ATXN10: variants seen among roughly 807,000 people sequenced by gnomAD.
ATXN10 encodes ataxin-10.
Under a neutral mutation model 52.9 loss-of-function variants are expected in ATXN10, and 28 were observed. The observed-to-expected ratio is 0.53, with a 90% confidence interval of 0.39 to 0.73. ATXN10 has a LOEUF of 0.73. ATXN10 is among the 30% of genes least tolerant of loss of function. The pLI, the probability that ATXN10 is intolerant of heterozygous loss-of-function variation, is 0.00. For missense variants in ATXN10, 565 were observed against 577.0 expected (o/e 0.98, Z 0.21); for synonymous variants, 226 against 221.5 (o/e 1.02, Z -0.18).
At chr22:45,832,946 A>G (rs544006516) in intron 10 of ATXN10, among the ~76,000 whole-genome samples, 2 of 152,352 alleles carry the variant, frequency 1.3e-5, no homozygotes, top group Non-Finnish European at 2.9e-5. Flanking sequence ...CTAAAGTGTT[A>G]TAGTGAATGT....
rs1365967199 is a variant in ATXN10, at chr22:45,828,805, C to G, written c.1238-14186C>G. Among the ~76,000 whole-genome samples the G allele has an allele frequency of 6.6e-6, 1 of 152,158 alleles. No individual in the cohort carries two copies. The highest frequency in any genetic ancestry group is 2.4e-5 in the African/African-American group (1 of 41,432). ...ACAAAGAAAAGCCCTAAACCTGATG[C>G]CTTCACTGGTGAATTCTAGCAAACA... On this transcript the variant is annotated intron_variant, in intron 10 of 11. Transcript: ENST00000252934. The surrounding 1 kb of genome is among the most constrained non-coding windows in gnomAD (Gnocchi z 4.5).
In ATXN10 at chr22:45,824,266, G is replaced by T. The variant is rs1017391767; in HGVS notation, c.1237+17244G>T. On this transcript the variant is annotated intron_variant, in intron 10 of 11. Transcript: ENST00000252934. The surrounding 1 kb of genome is among the most constrained non-coding windows in gnomAD (Gnocchi z 5.2). ...TGGAGTTCTCCCCTTTCTACATTTG[G>T]CCAACTCCTACTCACCTTTGAGTTT... Among the ~76,000 whole-genome samples the T allele has an allele frequency of 6.6e-6, 1 of 151,890 alleles. No individual in the cohort carries two copies. Among genetic ancestry groups the T allele is most frequent in the Non-Finnish European group, 1.5e-5 (1 of 67,978 alleles).
intron 5 of ATXN10, among the ~76,000 whole-genome samples, chr22:45,707,911 C>G (rs968600253): frequency 1.3e-5 from 2 of 151,998 alleles, no homozygotes; most frequent in Admixed American, 6.6e-5. Context: ...TGGAGAAAAC[C>G]CACTTTCTGC....
intron 9 of ATXN10, among the ~76,000 whole-genome samples, chr22:45,803,746 G>A (rs1403369752): frequency 2.0e-5 from 3 of 152,040 alleles, no homozygotes; most frequent in Non-Finnish European, 4.4e-5. Flanking sequence ...TACAGGATGC[G>A]TACGTACCCC....
At chr22:45,698,866 T>C (rs1923722731) in intron 3 of ATXN10, among the ~76,000 whole-genome samples, 1 of 152,232 alleles carries the variant, frequency 6.6e-6, no homozygotes, top group African/African-American at 2.4e-5. Context: ...AAATAATCTT[T>C]TAAAAAGTAT....
intron 9 of ATXN10, among the ~76,000 whole-genome samples, chr22:45,753,777 A>G (rs939966990): frequency 3.3e-5 from 5 of 152,154 alleles, no homozygotes; most frequent in African/African-American, 1.2e-4. Context: ...CTCTGGATGC[A>G]GTAGCTGCCT....
Position 45,843,147 on chromosome 22 carries a change from TC to T in ATXN10, c.1396del (p.Leu466Ter). 2 of 1,614,040 alleles carry T rather than the reference TC, an allele frequency of 1.2e-6. No homozygotes were observed. The highest frequency in any genetic ancestry group is 1.7e-6 in the Non-Finnish European group (2 of 1,179,934). On this transcript the variant is annotated frameshift_variant, in exon 11 of 12. Coordinates refer to ENST00000252934, the MANE Select transcript of ATXN10 (RefSeq NM_013236.4). LOFTEE classifies it high-confidence loss of function. The surrounding 1 kb of genome is among the most constrained non-coding windows in gnomAD (Gnocchi z 4.5). ...GTTGAAAAGAAAGGCGAAAAGCTGA[TC>T]CTGAAATCTACTAGAGACACCCCTA... ...FEVEKKGEKL[I>X]LKSTRDTPKP
At chr22:45,740,711 CACACACACATATATAT>C (rs1324438605) in intron 9 of ATXN10, 173 bp downstream of exon 9, 1 of 327,396 alleles carries the variant, frequency 3.1e-6, no homozygotes, top group African/African-American at 4.0e-5. Flanking sequence ...CACACACACA[CACACACACATATATAT>C]ACACACACAC....
chr22:45,735,466 A>T (rs1925257290), intron 7 of ATXN10, among the ~76,000 whole-genome samples: 1 of 151,944 alleles, frequency 6.6e-6, no homozygotes, highest in African/African-American at 2.4e-5. Context: ...GTTCCCTCCA[A>T]ACAAATTGGA....
chr22:45,740,189 C>T (rs928000207), intron 8 of ATXN10, among the ~76,000 whole-genome samples, 180 bp from the exon 9 acceptor site: 1 of 152,116 alleles, frequency 6.6e-6, no homozygotes. Flanking sequence ...GGCAGAAGAG[C>T]CTTCTAATCA....
chr22:45,816,367 C>T lies in ATXN10; in HGVS notation c.1237+9345C>T, dbSNP rs910954159. ...CTCCTTGGGAAACAGATACCTCTCC[C>T]GTTTCCTCTCTTTCCTCCTTTTAGA... On this transcript the variant is annotated intron_variant, in intron 10 of 11. Transcript: ENST00000252934. This position sits in a 1 kb window ranked among gnomAD's most constrained non-coding sequence, Gnocchi z 5.8. 1.2e-4 allele frequency among the ~76,000 whole-genome samples: 19 copies of T among 152,212 alleles called. No homozygotes were observed. Among genetic ancestry groups the T allele is most frequent in the Non-Finnish European group, 2.2e-4 (15 of 68,044 alleles).
chr22:45,801,481 A>G (rs547912837), intron 9 of ATXN10, among the ~76,000 whole-genome samples: 10 of 152,338 alleles, frequency 6.6e-5, no homozygotes, highest in African/African-American at 2.4e-4. Context: ...TAAGTGGCAC[A>G]AAACACCATG....
At chr22:45,788,987 C>G (rs546425977) in intron 9 of ATXN10, among the ~76,000 whole-genome samples, 19 of 152,178 alleles carry the variant, frequency 1.2e-4, no homozygotes, top group Non-Finnish European at 1.5e-5. Flanking sequence ...AGGACCGTCA[C>G]CCCCAAGATA....
At chr22:45,801,312 C>G (rs1252991451) in intron 9 of ATXN10, among the ~76,000 whole-genome samples, 1 of 152,226 alleles carries the variant, frequency 6.6e-6, no homozygotes, top group Non-Finnish European at 1.5e-5. Flanking sequence ...GTAGCCTAGG[C>G]TGAGGAGCAC....
At chr22:45,778,402 T>A (rs1433468243) in intron 9 of ATXN10, among the ~76,000 whole-genome samples, 1 of 152,184 alleles carries the variant, frequency 6.6e-6, no homozygotes, top group Non-Finnish European at 1.5e-5. Flanking sequence ...TGAGGATAAT[T>A]GTACATGCCT....
Position 45,728,569 on chromosome 22 carries a change from C to T in ATXN10, c.729-856C>T, listed in dbSNP as rs1399352302. Reference sequence around the variant, plus strand: ...CCATGCCTAATTTGAGTGTATTTACCCTTATTTGCTAATAAGCAGTTTAGA... The same window carrying T: ...CCATGCCTAATTTGAGTGTATTTACTCTTATTTGCTAATAAGCAGTTTAGA... On this transcript the variant is annotated intron_variant, in intron 6 of 11. Transcript: ENST00000252934. This position sits in a 1 kb window ranked among gnomAD's most constrained non-coding sequence, Gnocchi z 4.3. Among the ~76,000 whole-genome samples the T allele has an allele frequency of 6.6e-6, 1 of 151,756 alleles. No individual in the cohort carries two copies. Among genetic ancestry groups the T allele is most frequent in the African/African-American group, 2.4e-5 (1 of 41,298 alleles).
rs1024215610 is a variant in ATXN10, at chr22:45,705,967, C to T, written c.647+3120C>T. On this transcript the variant is annotated intron_variant, in intron 5 of 11. Coordinates refer to ENST00000252934, the MANE Select transcript of ATXN10 (RefSeq NM_013236.4). The surrounding 1 kb of genome is among the most constrained non-coding windows in gnomAD (Gnocchi z 5.2). ...TTCTTGTCAGATCATCAGCCACATTCGATTCTCTTAGGAGCACAAACCCTG... is the reference window on the plus strand; with the variant it reads ...TTCTTGTCAGATCATCAGCCACATTTGATTCTCTTAGGAGCACAAACCCTG... 3.9e-5 allele frequency among the ~76,000 whole-genome samples: 6 copies of T among 152,164 alleles called. No homozygotes were observed. Among genetic ancestry groups the T allele is most frequent in the South Asian group, 2.1e-4 (1 of 4,828 alleles).
At chr22:45,815,892 G>A (rs1928442822) in intron 10 of ATXN10, among the ~76,000 whole-genome samples, 1 of 152,164 alleles carries the variant, frequency 6.6e-6, no homozygotes. Context: ...CTATACATCT[G>A]TGTTGGATAC....
intron 9 of ATXN10, among the ~76,000 whole-genome samples, chr22:45,764,470 C>T (rs984415602): frequency 7.2e-5 from 11 of 152,284 alleles, no homozygotes; most frequent in South Asian, 2.1e-4. Flanking sequence ...CTGGCTAATC[C>T]GGGTTTGTTT....
Sources: gnomAD v4.1 joint callset for allele counts (sites outside exome capture counted in the v4.1 genomes callset) on GRCh38, gnomAD v4.1.1 for gene constraint, Gnocchi (gnomAD v3.1) non-coding constraint, MANE v1.5 for transcripts, NCBI Gene and HGNC (gene_info 2026-07-23, HGNC 2026-07-21) for gene names.